The following XKR6 variants were observed in gnomAD, a reference collection of about 807,000 sequenced individuals.
The protein encoded by XKR6 is XK-related protein 6.
A neutral mutation model predicts 56.7 loss-of-function variants in XKR6; 22 were observed. The ratio of observed to expected loss-of-function variants is 0.39; its 90% CI spans 0.28 to 0.55. XKR6 has a LOEUF of 0.55. Among genes scored for constraint, XKR6 ranks in the 20% least tolerant of loss-of-function variants. The pLI, the probability that XKR6 is intolerant of heterozygous loss-of-function variation, is 0.66. For missense variants in XKR6, 852 were observed against 889.0 expected, an observed-to-expected ratio of 0.96 and a Z score of 0.53; for synonymous variants, 524 against 387.8, an observed-to-expected ratio of 1.35 and a Z score of -4.13.
intron 1 of XKR6, among the ~76,000 whole-genome samples, chr8:11,010,450 G>C (rs1049735232): frequency 1.3e-5 from 2 of 152,120 alleles, no homozygotes; most frequent in African/African-American, 2.4e-5. Context: ...TCATTTTCTT[G>C]TTTATAAAAT....
intron 1 of XKR6, among the ~76,000 whole-genome samples, chr8:11,094,056 TTACAGGCGTGA>T (rs1187366667): frequency 2.7e-5 from 4 of 147,452 alleles, no homozygotes; most frequent in Non-Finnish European, 5.9e-5. Flanking sequence ...AGTGCTGGGA[TTACAGGCGTGA>T]GCCACCGCGC....
At chr8:11,089,474 A>T (rs1427910284) in intron 1 of XKR6, among the ~76,000 whole-genome samples, 1 of 152,044 alleles carries the variant, frequency 6.6e-6, no homozygotes, top group Non-Finnish European at 1.5e-5. Context: ...CTACAAAAAA[A>T]CTTGTTAAAA....
intron 1 of XKR6, among the ~76,000 whole-genome samples, chr8:11,077,681 G>C (rs1027107771): frequency 6.6e-6 from 1 of 152,170 alleles, no homozygotes; most frequent in Non-Finnish European, 1.5e-5. Flanking sequence ...TCCCCGCCCA[G>C]CTCCCTCTTA....
At chr8:11,048,082 CTG>C (rs1261789761) in intron 1 of XKR6, among the ~76,000 whole-genome samples, 1 of 152,166 alleles carries the variant, frequency 6.6e-6, no homozygotes, top group Non-Finnish European at 1.5e-5. Context: ...AACAAGGGGA[CTG>C]TCTGTATCCT....
intron 1 of XKR6, among the ~76,000 whole-genome samples, chr8:10,976,427 G>C (rs11991641): frequency 0.05 from 7,656 of 152,166 alleles, 642 homozygotes; most frequent in African/African-American, 0.17. Context: ...GCAGACAGCA[G>C]CTCATCCAGT....
In XKR6 at chr8:11,050,209, G is replaced by C. The variant is rs553106399; in HGVS notation, c.765-125379C>G. Among the ~76,000 whole-genome samples, 7 of 152,290 alleles carry C rather than the reference G, an allele frequency of 4.6e-5. No individual in the cohort carries two copies. The South Asian group carries it at 8.3e-4, about 18-fold the overall frequency. On this transcript the variant is annotated intron_variant, in intron 1 of 2. Transcript: ENST00000416569. Reference sequence around the variant, plus strand: ...AGCTGGCTGAGTAACAGAGACAAGCGTGCCAGATACAGGGAGGGGCAATGT... The same window carrying C: ...AGCTGGCTGAGTAACAGAGACAAGCCTGCCAGATACAGGGAGGGGCAATGT...
At chr8:11,136,125 G>T (rs143826226) in intron 1 of XKR6, among the ~76,000 whole-genome samples, 2 of 152,086 alleles carry the variant, frequency 1.3e-5, no homozygotes, top group Admixed American at 1.3e-4. Flanking sequence ...AAGTATCTGC[G>T]AGGCAATAAA....
chr8:11,162,443 G>T (rs956716086), intron 1 of XKR6, among the ~76,000 whole-genome samples: 1 of 152,130 alleles, frequency 6.6e-6, no homozygotes, highest in African/African-American at 2.4e-5. Flanking sequence ...GTGATCAATT[G>T]TGGAAGGAAA....
rs188007694 is a variant in XKR6 at position 11,100,468 on chromosome 8, C to T, written c.764+100108G>A. ...TGTTCCACTCATTGTGTTTAGTACG[C>T]AATGATTTAGTCTACAAACTATCGT... On this transcript the variant is annotated intron_variant, in intron 1 of 2. Transcript: ENST00000416569. Among the ~76,000 whole-genome samples the T allele has an allele frequency of 2.0e-5, 3 of 152,322 alleles. No homozygotes were observed. In the East Asian group the frequency reaches 5.8e-4, roughly 29 times the overall value.
chr8:11,102,055 T>C (rs74673519), intron 1 of XKR6, among the ~76,000 whole-genome samples: 2,243 of 152,312 alleles, frequency 0.015, 73 homozygotes, highest in African/African-American at 0.052. Flanking sequence ...GGCTTCTGGA[T>C]GGGTCCAGGA....
chr8:10,964,985 C>T (rs906336782), intron 1 of XKR6, among the ~76,000 whole-genome samples: 1 of 152,222 alleles, frequency 6.6e-6, no homozygotes, highest in Non-Finnish European at 1.5e-5. Context: ...ACTAGGGATC[C>T]AACCCTCCTC....
chr8:10,911,372 G>T (rs1413590216), intron 2 of XKR6, among the ~76,000 whole-genome samples: 1 of 143,568 alleles, frequency 7.0e-6, no homozygotes, highest in African/African-American at 2.6e-5. Flanking sequence ...TATATATATA[G>T]ACAGAGAGGG....
chr8:11,001,490 T>C (rs1798237137), intron 1 of XKR6, among the ~76,000 whole-genome samples: 1 of 152,176 alleles, frequency 6.6e-6, no homozygotes, highest in East Asian at 1.9e-4. Flanking sequence ...TAGGAGTTTA[T>C]CCCAATTGAG....
At position 10,899,535 on chromosome 8, in the gene XKR6, G is replaced by A. The variant is rs142452352; in HGVS notation, c.962-619C>T. ...AAGATCCAGGACACTGGGATATCCC[G>A]CCCATTTCACAGACTTCCTCTCTCA... On this transcript the variant is annotated intron_variant, in intron 2 of 2. Transcript: ENST00000416569. Among the ~76,000 whole-genome samples, 330 of 152,276 alleles carry A rather than the reference G, an allele frequency of 2.2e-3. 1 individual carries two copies. Among genetic ancestry groups the A allele is most frequent in the African/African-American group, 7.6e-3 (317 of 41,562 alleles).
At position 11,116,147 on chromosome 8, in the gene XKR6, G is replaced by C. The variant is rs566110182; in HGVS notation, c.764+84429C>G. Among the ~76,000 whole-genome samples, 22 of 152,290 alleles carry C rather than the reference G, an allele frequency of 1.4e-4. 1 individual carries two copies. The East Asian group carries it at 3.9e-3, about 27-fold the overall frequency. On this transcript the variant is annotated intron_variant, in intron 1 of 2. Transcript: ENST00000416569. The stretch of plus-strand genomic sequence containing the variant: ...ATTCAAATTTTAAACATGGAAAACT[G>C]TATGCTGGTCTTATGTGCAAGCAGT...
rs1421631909 is a variant in XKR6, at chr8:10,897,695, A to G, written c.*257T>C. 2 of 393,702 alleles carry G rather than the reference A, an allele frequency of 5.1e-6. No homozygotes were observed. The highest frequency in any genetic ancestry group is 2.1e-5 in the African/African-American group (1 of 48,364). The allele number at this position is 393,702 out of a possible 1,614,324, so 24.4% of individuals were successfully genotyped here. A position where few individuals can be genotyped will look rare whatever the true frequency, so the allele number is the denominator to read the frequency against. On this transcript the variant is annotated 3_prime_UTR_variant, in exon 3 of 3. Transcript: ENST00000416569. ...GTTTCTTATGTGTAAAAAACAAAAGAAAGGTTTTCTTTTTGTTTTTACTTA... is the reference window on the plus strand; with the variant it reads ...GTTTCTTATGTGTAAAAAACAAAAGGAAGGTTTTCTTTTTGTTTTTACTTA...
chr8:11,180,843 G>C (rs560483849), intron 1 of XKR6, among the ~76,000 whole-genome samples: 6 of 152,266 alleles, frequency 3.9e-5, no homozygotes, highest in Admixed American at 3.9e-4. Context: ...GGAGTTCAAG[G>C]CTGCAGTGCA....
intron 1 of XKR6, among the ~76,000 whole-genome samples, chr8:10,976,347 T>C (rs536177176): frequency 6.6e-6 from 1 of 152,198 alleles, no homozygotes; most frequent in East Asian, 1.9e-4. Flanking sequence ...TCTGACCCCA[T>C]GTCATGGTGG....
chr8:11,170,686 A>G (rs78888267), intron 1 of XKR6, among the ~76,000 whole-genome samples: 8,600 of 152,290 alleles, frequency 0.056, 545 homozygotes, highest in African/African-American at 0.16. Flanking sequence ...AAGTGGGTAA[A>G]TTTTGTAGTA....
Sources: gnomAD v4.1 joint callset for allele counts (sites outside exome capture counted in the v4.1 genomes callset) on GRCh38, gnomAD v4.1.1 for gene constraint, MANE v1.5 for transcripts, NCBI Gene and HGNC (gene_info 2026-07-23, HGNC 2026-07-21) for gene names.